Variants in MACROD2 observed in about 807,000 individuals in gnomAD.
MACROD2 encodes ADP-ribose glycohydrolase MACROD2.
In MACROD2, 36 loss-of-function variants were observed where a neutral mutation model predicts 70.4. The ratio of observed to expected loss-of-function variants is 0.51; its 90% CI spans 0.39 to 0.68. The LOEUF is 0.68. Ranked by LOEUF, MACROD2 falls within the 30% of genes least tolerant of loss-of-function variation. The probability of loss-of-function intolerance (pLI) is 0.00; values close to 1 mark genes in which losing one functional copy is unlikely to be tolerated. For synonymous variants in MACROD2, 172 were observed against 178.8 expected, an observed-to-expected ratio of 0.96 and a Z score of 0.30; for missense variants, 496 against 538.4, an observed-to-expected ratio of 0.92 and a Z score of 0.78.
intron 5 of MACROD2, among the ~76,000 whole-genome samples, chr20:14,793,763 C>T (rs1472549974): frequency 1.3e-5 from 2 of 151,972 alleles, no homozygotes; most frequent in Non-Finnish European, 2.9e-5. Flanking sequence ...CAGGAGGGTC[C>T]CAGTACAGCC....
chr20:15,361,015 C>T (rs2078345604), intron 6 of MACROD2, among the ~76,000 whole-genome samples: 1 of 150,254 alleles, frequency 6.7e-6, no homozygotes, highest in African/African-American at 2.5e-5. Context: ...GTGTTTTCTC[C>T]TCATCTTTTA....
At chr20:14,787,302 G>GT (rs1353874505) in intron 5 of MACROD2, among the ~76,000 whole-genome samples, 1 of 149,994 alleles carries the variant, frequency 6.7e-6, no homozygotes, top group African/African-American at 2.5e-5. Flanking sequence ...ATTGTAACGT[G>GT]TGAAAAAAAA....
At chr20:14,868,192 C>T (rs6079588) in intron 5 of MACROD2, among the ~76,000 whole-genome samples, 81,515 of 144,220 alleles carry the variant, frequency 0.57, 22,801 homozygotes, top group African/African-American at 0.71. Flanking sequence ...TTCTTTCTTT[C>T]TTTTTTTTTT....
rs140358858 is a variant in MACROD2 at position 14,265,448 on chromosome 20, T to C, written c.271+179720T>C. On this transcript the variant is annotated intron_variant, in intron 3 of 17. Coordinates refer to ENST00000684519, the MANE Select transcript of MACROD2 (RefSeq NM_001351661.2). ...GGCTAATGACCATCATGTGGCTGAC[T>C]CAATATACACTCTTATCCATGTACC... is the stretch of plus-strand genomic sequence containing the variant. Among the ~76,000 whole-genome samples, 942 of 152,270 alleles carry C rather than the reference T, an allele frequency of 6.2e-3. 4 individuals carry two copies. The highest frequency in any genetic ancestry group is 0.021 in the African/African-American group (872 of 41,550).
At chr20:15,805,141 T>C (rs1364682379) in intron 8 of MACROD2, among the ~76,000 whole-genome samples, 1 of 152,168 alleles carries the variant, frequency 6.6e-6, no homozygotes, top group African/African-American at 2.4e-5. Flanking sequence ...GGTCTGTCTC[T>C]GGGGAAATCC....
In MACROD2 at chr20:15,801,623, G is replaced by A. The variant is rs183898468; in HGVS notation, c.646-61122G>A. ...CTATAGGTTTGTAGTATATTTTGAA[G>A]TGAGATTGTATGATGCCTCCAGCTT... On this transcript the variant is annotated intron_variant, in intron 8 of 17. Coordinates refer to ENST00000684519, the MANE Select transcript of MACROD2 (RefSeq NM_001351661.2). Among the ~76,000 whole-genome samples the A allele has an allele frequency of 1.2e-3, 176 of 152,242 alleles. 4 individuals carry two copies. The highest frequency in any genetic ancestry group is 0.01 in the Middle Eastern group (3 of 294).
chr20:15,434,326 A>T (rs1342104062), intron 7 of MACROD2, among the ~76,000 whole-genome samples: 1 of 132,882 alleles, frequency 7.5e-6, no homozygotes, highest in African/African-American at 2.5e-5. Flanking sequence ...CAAACATATC[A>T]GCAAGAAAAA....
At chr20:14,306,130 A>AT (rs1190115238) in intron 3 of MACROD2, among the ~76,000 whole-genome samples, 1 of 151,756 alleles carries the variant, frequency 6.6e-6, no homozygotes, top group Non-Finnish European at 1.5e-5. Flanking sequence ...ATAATGATCT[A>AT]TTTTTTTCCA....
chr20:14,914,360 G>A (rs2122608332), intron 5 of MACROD2, among the ~76,000 whole-genome samples: 1 of 152,248 alleles, frequency 6.6e-6, no homozygotes, highest in East Asian at 1.9e-4. Context: ...TGGTGGTAAT[G>A]CATATTTAAG....
chr20:14,358,356 A>G (rs999956247), intron 3 of MACROD2, among the ~76,000 whole-genome samples: 1 of 151,868 alleles, frequency 6.6e-6, no homozygotes, highest in Non-Finnish European at 1.5e-5. Flanking sequence ...TATTCATTGA[A>G]CATATATATA....
At chr20:15,383,806 A>G (rs2045675782) in intron 6 of MACROD2, among the ~76,000 whole-genome samples, 2 of 152,180 alleles carry the variant, frequency 1.3e-5, no homozygotes, top group South Asian at 4.1e-4. Flanking sequence ...TCTATTTGTC[A>G]TAAGAGGAAT....
chr20:16,001,753 T>C (rs2066712454), intron 15 of MACROD2, among the ~76,000 whole-genome samples: 1 of 152,194 alleles, frequency 6.6e-6, no homozygotes, highest in Non-Finnish European at 1.5e-5. Context: ...CATCTGTTCT[T>C]TTGTTTCATA....
intron 3 of MACROD2, among the ~76,000 whole-genome samples, chr20:14,112,371 A>AT (rs2054462914): frequency 6.6e-6 from 1 of 151,996 alleles, no homozygotes; most frequent in African/African-American, 2.4e-5. Context: ...GTATAATTTG[A>AT]TTTTTTGTAA....
At chr20:14,474,127 G>C (rs1399295685) in intron 3 of MACROD2, among the ~76,000 whole-genome samples, 2 of 151,658 alleles carry the variant, frequency 1.3e-5, no homozygotes, top group Non-Finnish European at 2.9e-5. Flanking sequence ...CAGTTTGTCT[G>C]TTCATTCTGT....
intron 5 of MACROD2, among the ~76,000 whole-genome samples, chr20:15,012,852 C>T (rs2075093718): frequency 6.6e-6 from 1 of 152,116 alleles, no homozygotes; most frequent in South Asian, 2.1e-4. Flanking sequence ...GAATGCAGCT[C>T]CTGGGTGGGT....
intron 5 of MACROD2, among the ~76,000 whole-genome samples, chr20:14,813,500 A>G (rs1285639088): frequency 6.6e-6 from 1 of 152,102 alleles, no homozygotes; most frequent in African/African-American, 2.4e-5. Flanking sequence ...AATGGCTTCT[A>G]GATTCATCCA....
intron 8 of MACROD2, among the ~76,000 whole-genome samples, chr20:15,746,947 T>C (rs2146973095): frequency 6.6e-6 from 1 of 152,250 alleles, no homozygotes. Context: ...TCCCTAGTGT[T>C]CCATTGTTCA....
intron 4 of MACROD2, among the ~76,000 whole-genome samples, chr20:14,585,903 G>A (rs1568684534): frequency 6.6e-6 from 1 of 152,116 alleles, no homozygotes; most frequent in African/African-American, 2.4e-5. Context: ...TGAACCAACT[G>A]TTATTAAGAC....
At chr20:15,753,784 T>C (rs2146985625) in intron 8 of MACROD2, among the ~76,000 whole-genome samples, 1 of 152,354 alleles carries the variant, frequency 6.6e-6, no homozygotes, top group South Asian at 2.1e-4. Flanking sequence ...ATCTGTTGTT[T>C]TTTGACTTTT....
Sources: allele counts gnomAD v4.1 joint callset (sites outside exome capture counted in the v4.1 genomes callset), GRCh38; gene constraint gnomAD v4.1.1; transcripts MANE v1.5; gene names NCBI Gene and HGNC (gene_info 2026-07-23, HGNC 2026-07-21).